GRIP1: variants seen among roughly 807,000 people sequenced by gnomAD.
GRIP1 encodes the protein glutamate receptor-interacting protein 1.
In GRIP1, 45 loss-of-function variants were observed where a neutral mutation model predicts 129.9. That is an observed-to-expected ratio of 0.35 (90% CI 0.27 to 0.44). The LOEUF is 0.44. Among genes scored for constraint, GRIP1 ranks in the 20% least tolerant of loss-of-function variants. The pLI is 1.00. For missense variants in GRIP1, 1,196 were observed against 1,396.8 expected, an observed-to-expected ratio of 0.86 and a Z score of 2.29; for synonymous variants, 530 against 520.8, an observed-to-expected ratio of 1.02 and a Z score of -0.24.
intron 5 of GRIP1, among the ~76,000 whole-genome samples, chr12:66,526,401 CA>C (rs1338835504): frequency 6.6e-6 from 1 of 152,188 alleles, no homozygotes. Flanking sequence ...TGATCTTTGA[CA>C]AACCTGACTA....
chr12:66,571,880 G>T (rs951129742), intron 2 of GRIP1, among the ~76,000 whole-genome samples: 2 of 152,214 alleles, frequency 1.3e-5, no homozygotes, highest in African/African-American at 4.8e-5. Context: ...GTATGGGCAT[G>T]GCAGAGGGTG....
chr12:66,946,428 T>C (rs1320012098), intron 1 of GRIP1, among the ~76,000 whole-genome samples: 2 of 152,126 alleles, frequency 1.3e-5, no homozygotes, highest in African/African-American at 4.8e-5. Context: ...CTATTACAAA[T>C]ATATTCAAAT....
intron 1 of GRIP1, among the ~76,000 whole-genome samples, chr12:67,049,355 T>TA (rs2043304405): frequency 6.6e-6 from 1 of 152,142 alleles, no homozygotes; most frequent in Admixed American, 6.6e-5. Flanking sequence ...TTTTGGCACA[T>TA]ATACACCATG....
intron 1 of GRIP1, among the ~76,000 whole-genome samples, chr12:66,885,436 A>G (rs1410703852): frequency 3.3e-5 from 5 of 152,190 alleles, no homozygotes; most frequent in African/African-American, 9.6e-5. Flanking sequence ...GACAAAAAAA[A>G]TCTGTAGCAA....
chr12:66,939,928 G>C (rs554514763), intron 1 of GRIP1, among the ~76,000 whole-genome samples: 1 of 152,184 alleles, frequency 6.6e-6, no homozygotes, highest in Admixed American at 6.5e-5. Flanking sequence ...GAAACAAGAT[G>C]CCATATGGTT....
At chr12:66,913,179 T>C (rs74098145) in intron 1 of GRIP1, among the ~76,000 whole-genome samples, 234 of 152,260 alleles carry the variant, frequency 1.5e-3, no homozygotes, top group African/African-American at 5.1e-3. Context: ...CCATAACAAA[T>C]AATACTCTTT....
chr12:66,827,472 A>G (rs1183826787), intron 1 of GRIP1, among the ~76,000 whole-genome samples: 3 of 152,014 alleles, frequency 2.0e-5, no homozygotes. Flanking sequence ...ACAAATTTAT[A>G]CACTAATCAC....
intron 1 of GRIP1, among the ~76,000 whole-genome samples, chr12:66,993,027 T>A (rs970353599): frequency 4.0e-5 from 6 of 151,834 alleles, no homozygotes; most frequent in African/African-American, 2.4e-5. Flanking sequence ...GATGGGAGCA[T>A]CTCTTGAGCC....
chr12:66,849,182 C>T (rs2039868637), intron 1 of GRIP1, among the ~76,000 whole-genome samples: 1 of 152,080 alleles, frequency 6.6e-6, no homozygotes, highest in Non-Finnish European at 1.5e-5. Flanking sequence ...CAATTCATAC[C>T]TCAGTGCTGG....
chr12:66,555,501 C>A (rs771829284), intron 2 of GRIP1, among the ~76,000 whole-genome samples: 2 of 152,148 alleles, frequency 1.3e-5, no homozygotes, highest in African/African-American at 2.4e-5. Context: ...CTCATCAATG[C>A]TCAGACACTG....
intron 7 of GRIP1, among the ~76,000 whole-genome samples, chr12:66,485,810 C>CT (rs147668461): frequency 1.3e-5 from 2 of 151,974 alleles, no homozygotes; most frequent in South Asian, 4.2e-4. Flanking sequence ...GAAAGGGCTA[C>CT]TTTTTTTCTC....
chr12:66,480,644 C>T (rs2059774324), intron 7 of GRIP1, among the ~76,000 whole-genome samples: 1 of 152,150 alleles, frequency 6.6e-6, no homozygotes, highest in South Asian at 2.1e-4. Flanking sequence ...AGGCATCATG[C>T]TATCTGACTT....
rs529713467 is a variant in GRIP1 at position 66,770,596 on chromosome 12, G to A, written c.-420+33457C>T. Reference sequence around the variant, plus strand: ...TGGGGCAAGCCAATGTTAGAGGCCCGTAAAGTGGCCAGACACAAGCAGGGG... The same window carrying A: ...TGGGGCAAGCCAATGTTAGAGGCCCATAAAGTGGCCAGACACAAGCAGGGG... On this transcript the variant is annotated intron_variant, in intron 1 of 4. Coordinates refer to the GRIP1 transcript ENST00000538373. Among the ~76,000 whole-genome samples, 166 of 152,258 alleles carry A rather than the reference G, an allele frequency of 1.1e-3. 1 individual carries two copies. The highest frequency in any genetic ancestry group is 2.0e-3 in the Non-Finnish European group (139 of 68,016).
At chr12:66,712,273 G>C (rs189695972) in intron 1 of GRIP1, among the ~76,000 whole-genome samples, 143 of 151,732 alleles carry the variant, frequency 9.4e-4, no homozygotes, top group African/African-American at 3.4e-3. Flanking sequence ...AAAGGTAATG[G>C]ATATAATTTA....
At chr12:66,679,260 GC>G (rs1403043154), upstream of GRIP1, 2 of 608,644 alleles carry the variant, frequency 3.3e-6, no homozygotes, top group East Asian at 1.2e-4. Flanking sequence ...ACTGAACAGT[GC>G]ATTCTGTTTA....
intron 1 of GRIP1, among the ~76,000 whole-genome samples, chr12:66,723,198 C>A (rs1412564056): frequency 1.1e-5 from 1 of 91,100 alleles, no homozygotes; most frequent in African/African-American, 4.9e-5. Flanking sequence ...GGTTTTTCAT[C>A]TTCTTTTCTT....
At chr12:66,850,134 A>T (rs1356999943) in intron 1 of GRIP1, among the ~76,000 whole-genome samples, 1 of 152,178 alleles carries the variant, frequency 6.6e-6, no homozygotes, top group East Asian at 1.9e-4. Context: ...AAAGTGAGAC[A>T]AAAGGGGAGA....
intron 19 of GRIP1, among the ~76,000 whole-genome samples, chr12:66,391,364 G>T (rs1383633569): frequency 6.6e-6 from 1 of 152,204 alleles, no homozygotes; most frequent in Non-Finnish European, 1.5e-5. Context: ...TGATGCTACG[G>T]ATCACTGGGA....
Position 66,902,480 on chromosome 12 carries a change from C to G in GRIP1, c.58+166570G>C, listed in dbSNP as rs7132609. Among the ~76,000 whole-genome samples, 556 of 152,300 alleles carry G rather than the reference C, an allele frequency of 3.7e-3. 4 individuals carry two copies. The highest frequency in any genetic ancestry group is 0.011 in the African/African-American group (473 of 41,578). On this transcript the variant is annotated intron_variant, in intron 1 of 1. Transcript: ENST00000643019. ...ACACCACCAGCTTCAAATCTCAGAT[C>G]AGCTGAGCAGTCTCCCAGATGTCAT... is the stretch of plus-strand genomic sequence containing the variant.
Sources: allele counts gnomAD v4.1 joint callset (sites outside exome capture counted in the v4.1 genomes callset), GRCh38; gene constraint gnomAD v4.1.1; transcripts MANE v1.5; gene names NCBI Gene and HGNC (gene_info 2026-07-23, HGNC 2026-07-21).